ZC2HC1B: variants seen among roughly 807,000 people sequenced by gnomAD.
ZC2HC1B encodes the protein zinc finger C2HC-type containing 1B, also known as zinc finger C2HC domain-containing protein 1B.
Under a neutral mutation model 31.0 loss-of-function variants are expected in ZC2HC1B, and 36 were observed. The ratio of observed to expected loss-of-function variants is 1.16; its 90% CI spans 0.89 to 1.54. The LOEUF is 1.54. Ranked by LOEUF, ZC2HC1B falls within the 40% of genes most tolerant of loss-of-function variation. The pLI is 0.00. For synonymous variants in ZC2HC1B, 73 were observed against 88.0 expected (o/e 0.83, Z 0.95); for missense variants, 260 against 268.6 (o/e 0.97, Z 0.22).
chr6:143,879,183 C>T (rs1777440087), intron 1 of ZC2HC1B, among the ~76,000 whole-genome samples: 1 of 152,188 alleles, frequency 6.6e-6, no homozygotes, highest in South Asian at 2.1e-4. Flanking sequence ...TAGTGTGAAT[C>T]TGGATGGTTC....
intron 1 of ZC2HC1B, among the ~76,000 whole-genome samples, chr6:143,867,167 GA>G (rs1319707688): frequency 1.3e-5 from 2 of 151,912 alleles, no homozygotes; most frequent in African/African-American, 2.4e-5. Context: ...TCCAAAGTCT[GA>G]AAAAAAATCT....
chr6:143,881,189 G>A (rs1777461758), intron 1 of ZC2HC1B, among the ~76,000 whole-genome samples: 1 of 152,122 alleles, frequency 6.6e-6, no homozygotes, highest in South Asian at 2.1e-4. Flanking sequence ...CACACAGTAT[G>A]TGACCTTTGA....
chr6:143,892,946 A>G (rs991674616), intron 4 of ZC2HC1B, among the ~76,000 whole-genome samples: 2 of 152,138 alleles, frequency 1.3e-5, no homozygotes, highest in African/African-American at 4.8e-5. Flanking sequence ...CCAAAATTAA[A>G]CATTTCAGTT....
rs945208765 is a variant in ZC2HC1B at position 143,934,946 on chromosome 6, A to G, written c.599-2703A>G. Among the ~76,000 whole-genome samples the G allele has an allele frequency of 6.6e-6, 1 of 152,164 alleles. No homozygotes were observed. Among genetic ancestry groups the G allele is most frequent in the African/African-American group, 2.4e-5 (1 of 41,434 alleles). ...CCTCCAGATGGCTTGCTCAGGTGCC[A>G]GCAGTGGCGATGGTGGGTGGCTCTT... is the stretch of plus-strand genomic sequence containing the variant. On this transcript the variant is annotated intron_variant, in intron 6 of 7. Coordinates refer to ENST00000237275, the MANE Select transcript of ZC2HC1B (RefSeq NM_001013623.3). This position sits in a 1 kb window ranked among gnomAD's most constrained non-coding sequence, Gnocchi z 4.6.
chr6:143,916,140 C>G (rs899935316), intron 6 of ZC2HC1B, among the ~76,000 whole-genome samples: 1 of 152,132 alleles, frequency 6.6e-6, no homozygotes, highest in African/African-American at 2.4e-5. Context: ...GGACTTGGTG[C>G]CCTGTGTCCC....
Position 143,895,444 on chromosome 6 carries a change from T to C in ZC2HC1B, c.350-3108T>C, listed in dbSNP as rs1777655203. Among the ~76,000 whole-genome samples, 2 of 152,248 alleles carry C rather than the reference T, an allele frequency of 1.3e-5. No individual in the cohort carries two copies. Among genetic ancestry groups the C allele is most frequent in the Non-Finnish European group, 2.9e-5 (2 of 68,042 alleles). On this transcript the variant is annotated intron_variant, in intron 4 of 7. Coordinates refer to ENST00000237275, the MANE Select transcript of ZC2HC1B (RefSeq NM_001013623.3). This position sits in a 1 kb window ranked among gnomAD's most constrained non-coding sequence, Gnocchi z 4.8. The stretch of plus-strand genomic sequence containing the variant: ...TCCCAAAGTGCTGGGATTACAGGCA[T>C]GAGCCACTGCACCCGGCCAGTACTA...
chr6:143,927,357 T>C (rs976191414), intron 6 of ZC2HC1B, among the ~76,000 whole-genome samples: 1 of 152,180 alleles, frequency 6.6e-6, no homozygotes, highest in African/African-American at 2.4e-5. Context: ...TGTATGTCCA[T>C]GTGTGCATAC....
chr6:143,894,951 G>A (rs1193164030), intron 4 of ZC2HC1B, among the ~76,000 whole-genome samples: 2 of 152,012 alleles, frequency 1.3e-5, no homozygotes, highest in African/African-American at 4.8e-5. Context: ...CTCACCAAAT[G>A]TTCAATTTAT....
At chr6:143,902,906 C>T (rs1777752331) in intron 5 of ZC2HC1B, 138 bp from the exon 6 acceptor site, 4 of 721,482 alleles carry the variant, frequency 5.5e-6, no homozygotes, top group Non-Finnish European at 9.3e-6. Context: ...TGTCTGTCCC[C>T]TTCCCCTGGA....
chr6:143,867,863 A>G (rs1293996943), intron 1 of ZC2HC1B, among the ~76,000 whole-genome samples: 1 of 152,146 alleles, frequency 6.6e-6, no homozygotes, highest in Non-Finnish European at 1.5e-5. Flanking sequence ...CCTTTTCTCT[A>G]TCCAGTCTAT....
rs76030542 is a variant in ZC2HC1B at position 143,927,332 on chromosome 6, C to T, written c.599-10317C>T. 2.9e-4 allele frequency among the ~76,000 whole-genome samples: 44 copies of T among 152,214 alleles called. No homozygotes were observed. In the East Asian group the frequency reaches 7.7e-3, roughly 27 times the overall value. Reference sequence around the variant, plus strand: ...TTCCCACCTTTCCAAGTCTCTAATACCTGTTATTCCAATCTGTATGTCCAT... The same window carrying T: ...TTCCCACCTTTCCAAGTCTCTAATATCTGTTATTCCAATCTGTATGTCCAT... On this transcript the variant is annotated intron_variant, in intron 6 of 7. Coordinates refer to ENST00000237275, the MANE Select transcript of ZC2HC1B (RefSeq NM_001013623.3).
chr6:143,891,705 A>G (rs1040398494), intron 4 of ZC2HC1B, among the ~76,000 whole-genome samples: 30 of 152,038 alleles, frequency 2.0e-4, no homozygotes, highest in African/African-American at 6.0e-4. Flanking sequence ...AAAAAAAAAA[A>G]AAAGAAAGAA....
In ZC2HC1B at chr6:143,918,559, C is replaced by T. The variant is rs564174742; in HGVS notation, c.598+15407C>T. ...TGTTGGTCTCTTTGAGTTTGTCTTA[C>T]TTTTAGTTTTTGAATGATTCTTAAA... On this transcript the variant is annotated intron_variant, in intron 6 of 7. Coordinates refer to ENST00000237275, the MANE Select transcript of ZC2HC1B (RefSeq NM_001013623.3). This position sits in a 1 kb window ranked among gnomAD's most constrained non-coding sequence, Gnocchi z 4.1. 1.3e-5 allele frequency among the ~76,000 whole-genome samples: 2 copies of T among 152,072 alleles called. No individual in the cohort carries two copies. Among genetic ancestry groups the T allele is most frequent in the Non-Finnish European group, 2.9e-5 (2 of 67,998 alleles).
intron 4 of ZC2HC1B, among the ~76,000 whole-genome samples, chr6:143,888,313 T>C (rs1440191063): frequency 6.6e-6 from 1 of 152,120 alleles, no homozygotes; most frequent in Non-Finnish European, 1.5e-5. Context: ...AGTATTCTAG[T>C]AATTTTTGAC....
rs575618441 is a variant in ZC2HC1B, at chr6:143,937,761, A to C, written c.*14+28A>C. On this transcript the variant is annotated intron_variant, in intron 7 of 7. Coordinates refer to ENST00000237275, the MANE Select transcript of ZC2HC1B (RefSeq NM_001013623.3). ...AAGAAAAAAAAATCACCGCTAATCC[A>C]GCTGTTGCTGACCAGTTAATGACTT... is the stretch of plus-strand genomic sequence containing the variant. 47 of 1,498,334 alleles carry C rather than the reference A, an allele frequency of 3.1e-5. No homozygotes were observed. The East Asian group carries it at 1.1e-3, about 35-fold the overall frequency. The allele number at this position is 1,498,334 out of a possible 1,614,324, so 92.8% of individuals were successfully genotyped here. A position where few individuals can be genotyped will look rare whatever the true frequency, so the allele number is the denominator to read the frequency against.
chr6:143,933,906 TCA>T lies in ZC2HC1B; in HGVS notation c.599-3742_599-3741del, dbSNP rs1221254701. On this transcript the variant is annotated intron_variant, in intron 6 of 7. Transcript: ENST00000237275. This position sits in a 1 kb window ranked among gnomAD's most constrained non-coding sequence, Gnocchi z 6.4. Reference sequence around the variant, plus strand: ...CACCCAGTCAAAATTATTACAAAGTTCAGTTGGAAGCTTCTTTCACCCTGTGA... The same window carrying T: ...CACCCAGTCAAAATTATTACAAAGTTGTTGGAAGCTTCTTTCACCCTGTGA... Among the ~76,000 whole-genome samples, 4 of 152,192 alleles carry T rather than the reference TCA, an allele frequency of 2.6e-5. No individual in the cohort carries two copies. The highest frequency in any genetic ancestry group is 2.9e-5 in the Non-Finnish European group (2 of 68,034).
chr6:143,886,743 C>T lies in ZC2HC1B; in HGVS notation c.271C>T (p.Arg91Ter), dbSNP rs370012101. The T allele has an allele frequency of 3.0e-5, 46 of 1,549,436 alleles. No homozygotes were observed. The highest frequency in any genetic ancestry group is 9.6e-5 in the African/African-American group (7 of 72,922). ...QQHEDFINAIRSAKQCMLAIK... is the reference protein window; with the variant it reads ...QQHEDFINAI ...ACATGAAGACTTTATTAATGCAATC[C>T]GATCAGCAAAGCAGTGTATGCTAGC... Residue 91 changes from arginine (R) to a stop codon, truncating the protein, a stop_gained, in exon 4 of 8, where the codon CGA becomes TGA. Transcript: ENST00000237275. LOFTEE classifies it high-confidence loss of function. This position sits in a 1 kb window ranked among gnomAD's most constrained non-coding sequence, Gnocchi z 4.2.
At chr6:143,879,898 C>T (rs1253430122) in intron 1 of ZC2HC1B, among the ~76,000 whole-genome samples, 1 of 135,696 alleles carries the variant, frequency 7.4e-6, no homozygotes, top group Non-Finnish European at 1.5e-5. Flanking sequence ...AATCATGGCT[C>T]ACTGCAACCT....
intron 5 of ZC2HC1B, among the ~76,000 whole-genome samples, chr6:143,901,250 CTTTTTT>C (rs760366226): frequency 2.2e-5 from 2 of 90,498 alleles, no homozygotes; most frequent in African/African-American, 5.3e-5. Context: ...TTCTTTCTTC[CTTTTTT>C]TTTTTTTTTT....
Sources: allele counts gnomAD v4.1 joint callset (sites outside exome capture counted in the v4.1 genomes callset), GRCh38; gene constraint gnomAD v4.1.1; non-coding constraint Gnocchi (gnomAD v3.1); transcripts MANE v1.5; gene names NCBI Gene and HGNC (gene_info 2026-07-23, HGNC 2026-07-21).